Variants in RBMS3 observed in about 807,000 individuals in gnomAD.
The protein encoded by RBMS3 is RNA-binding motif, single-stranded-interacting protein 3.
Under a neutral mutation model 66.8 loss-of-function variants are expected in RBMS3, and 27 were observed. The observed-to-expected ratio is 0.40, with a 90% confidence interval of 0.30 to 0.56. The LOEUF (loss-of-function observed/expected upper bound fraction) is 0.56, where lower values mean the gene tolerates loss of function less well. RBMS3 is among the 20% of genes least tolerant of loss of function. The pLI is 0.40. For synonymous variants in RBMS3, 188 were observed against 183.0 expected (o/e 1.03, Z -0.22); for missense variants, 513 against 549.5 (o/e 0.93, Z 0.66).
chr3:29,918,677 G>C (rs2060697400), intron 10 of RBMS3, among the ~76,000 whole-genome samples: 1 of 152,090 alleles, frequency 6.6e-6, no homozygotes, highest in Non-Finnish European at 1.5e-5. Flanking sequence ...ATAAAAAGTA[G>C]ATTAGATAAC....
intron 3 of RBMS3, among the ~76,000 whole-genome samples, chr3:29,578,387 CTA>C (rs1353834999): frequency 6.6e-6 from 1 of 152,074 alleles, no homozygotes; most frequent in Non-Finnish European, 1.5e-5. Flanking sequence ...TTTTAAAACT[CTA>C]ATACTTAGTT....
chr3:29,734,751 T>A (rs935826654), intron 4 of RBMS3, among the ~76,000 whole-genome samples: 24 of 152,174 alleles, frequency 1.6e-4, no homozygotes, highest in Admixed American at 3.9e-4. Flanking sequence ...TTTATAACAA[T>A]TAACATTAAC....
At chr3:29,792,160 T>A (rs2057033868) in intron 6 of RBMS3, among the ~76,000 whole-genome samples, 1 of 152,194 alleles carries the variant, frequency 6.6e-6, no homozygotes, top group Admixed American at 6.5e-5. Context: ...TTTTTGTGTT[T>A]CTGATATTTT....
chr3:29,676,475 G>T (rs568757920), intron 4 of RBMS3, among the ~76,000 whole-genome samples: 2 of 152,106 alleles, frequency 1.3e-5, no homozygotes, highest in South Asian at 4.2e-4. Flanking sequence ...CACCTGTTAC[G>T]CCTCTCTTCC....
chr3:29,289,563 T>G (rs2032650030), intron 1 of RBMS3, among the ~76,000 whole-genome samples: 1 of 151,688 alleles, frequency 6.6e-6, no homozygotes, highest in African/African-American at 2.4e-5. Context: ...TATAGACATA[T>G]AAAAAGGCTT....
At chr3:29,730,898 T>C (rs753206458) in intron 4 of RBMS3, 15 of 985,320 alleles carry the variant, frequency 1.5e-5, no homozygotes, top group Non-Finnish European at 1.4e-5. Flanking sequence ...GGAGAAACCA[T>C]CACATCAGGG....
chr3:29,563,520 T>G (rs2046629518), intron 3 of RBMS3, among the ~76,000 whole-genome samples: 1 of 152,158 alleles, frequency 6.6e-6, no homozygotes, highest in Non-Finnish European at 1.5e-5. Context: ...TCTTACATCT[T>G]TGATCTTTAT....
chr3:29,913,812 A>G (rs1483575670), intron 10 of RBMS3, among the ~76,000 whole-genome samples: 2 of 151,894 alleles, frequency 1.3e-5, no homozygotes, highest in Non-Finnish European at 2.9e-5. Context: ...CTTGTCTTGT[A>G]TCTCTAAGTA....
At chr3:29,834,237 C>A (rs1175593657) in intron 6 of RBMS3, among the ~76,000 whole-genome samples, 1 of 151,858 alleles carries the variant, frequency 6.6e-6, no homozygotes, top group African/African-American at 2.4e-5. Flanking sequence ...TAATTAGTAA[C>A]ATGAAAACAA....
At chr3:29,747,722 G>T (rs2054985893) in intron 5 of RBMS3, among the ~76,000 whole-genome samples, 1 of 152,178 alleles carries the variant, frequency 6.6e-6, no homozygotes, top group African/African-American at 2.4e-5. Flanking sequence ...AGCAAAGAAA[G>T]GGGTAGTATA....
chr3:29,687,234 A>T (rs1476465927), intron 4 of RBMS3, among the ~76,000 whole-genome samples: 21 of 152,248 alleles, frequency 1.4e-4, no homozygotes, highest in Non-Finnish European at 4.4e-5. Flanking sequence ...GCCACTTAAC[A>T]TAAAAGGATT....
At chr3:30,001,697 C>T (rs780823983) in intron 14 of RBMS3, among the ~76,000 whole-genome samples, 2 of 151,830 alleles carry the variant, frequency 1.3e-5, no homozygotes, top group Non-Finnish European at 2.9e-5. Context: ...ATTGTATGTG[C>T]ACTGTTTTAC....
intron 3 of RBMS3, among the ~76,000 whole-genome samples, chr3:29,519,604 T>A (rs548004066): frequency 6.6e-6 from 1 of 152,302 alleles, no homozygotes; most frequent in South Asian, 2.1e-4. Context: ...ACTAATTGAC[T>A]GGCAGTTCTT....
At chr3:29,311,031 G>C (rs2034342821) in intron 1 of RBMS3, among the ~76,000 whole-genome samples, 1 of 151,774 alleles carries the variant, frequency 6.6e-6, no homozygotes, top group African/African-American at 2.4e-5. Flanking sequence ...GTGCCACTGT[G>C]TTATCACTCC....
intron 6 of RBMS3, among the ~76,000 whole-genome samples, chr3:29,777,850 C>T (rs571089174): frequency 1.1e-4 from 16 of 151,890 alleles, no homozygotes; most frequent in African/African-American, 3.9e-4. Flanking sequence ...TTTGTCTTCT[C>T]AGAGGTTTCT....
intron 10 of RBMS3, among the ~76,000 whole-genome samples, chr3:29,935,440 A>G (rs1265235119): frequency 6.6e-6 from 1 of 152,152 alleles, no homozygotes; most frequent in African/African-American, 2.4e-5. Context: ...AAATTTGACC[A>G]GCTCTAACAG....
intron 1 of RBMS3, among the ~76,000 whole-genome samples, chr3:29,413,147 G>A (rs1040307035): frequency 3.3e-5 from 5 of 152,154 alleles, no homozygotes; most frequent in African/African-American, 1.2e-4. Context: ...AAGGCAGGCA[G>A]ATCACTAGGT....
chr3:29,993,864 T>C (rs1699041148), intron 14 of RBMS3, among the ~76,000 whole-genome samples: 1 of 152,210 alleles, frequency 6.6e-6, no homozygotes, highest in Non-Finnish European at 1.5e-5. Context: ...ATGGGACTTC[T>C]CAATCTTAAT....
chr3:29,638,093 G>T (rs2049540819), intron 4 of RBMS3, among the ~76,000 whole-genome samples: 1 of 151,974 alleles, frequency 6.6e-6, no homozygotes, highest in Admixed American at 6.6e-5. Flanking sequence ...GTTTGAGTGT[G>T]TTAAGCAATT....
Sources: gnomAD v4.1 joint callset for allele counts (sites outside exome capture counted in the v4.1 genomes callset) on GRCh38, gnomAD v4.1.1 for gene constraint, MANE v1.5 for transcripts, NCBI Gene and HGNC (gene_info 2026-07-23, HGNC 2026-07-21) for gene names.